KLC4: variants seen among roughly 807,000 people sequenced by gnomAD.
KLC4 encodes kinesin-like protein 8.
In KLC4, 49 loss-of-function variants were observed where a neutral mutation model predicts 77.2. That is an observed-to-expected ratio of 0.63 (90% CI 0.50 to 0.80). The LOEUF is 0.80. KLC4 is among the 30% of genes least tolerant of loss of function. KLC4 has a pLI of 0.00. For missense variants in KLC4, 669 were observed against 793.5 expected, an observed-to-expected ratio of 0.84 and a Z score of 1.89; for synonymous variants, 274 against 314.5, an observed-to-expected ratio of 0.87 and a Z score of 1.36.
At chr6:43,060,061 G>T in intron 1 of KLC4, 2 of 1,518,308 alleles carry the variant, frequency 1.3e-6, no homozygotes, top group Non-Finnish European at 1.8e-6. Flanking sequence ...CCAGGCCCAG[G>T]AGACCCACTC....
chr6:43,065,405 G>A, intron 3 of KLC4: 2 of 499,872 alleles, frequency 4.0e-6, no homozygotes, highest in Admixed American at 3.3e-5. Flanking sequence ...AGAAGGAGGG[G>A]AAGTCTTGAG....
chr6:43,067,999 C>A (rs1765528567), intron 6 of KLC4, among the ~76,000 whole-genome samples: 2 of 101,704 alleles, frequency 2.0e-5, no homozygotes, highest in Admixed American at 1.0e-4. Context: ...GTAGTCCCAG[C>A]TGCTTGGGAG....
Position 43,061,528 on chromosome 6 carries a change from C to T in KLC4, c.193C>T (p.His65Tyr). The change falls in exon 2 of 16, where the codon CAT (histidine) becomes TAT (tyrosine). Residue 65 changes from histidine (H) to tyrosine (Y), a missense_variant. Coordinates refer to ENST00000347162, the MANE Select transcript of KLC4 (RefSeq NM_201521.3). The stretch of plus-strand genomic sequence containing the variant: ...GGGAGGCCATGAGGAAGGGCTGGTG[C>T]ATGAGAAGGCCCGGCAGCTTCGCCG... ...QQGGHEEGLV[H>Y]EKARQLRRSM... The T allele has an allele frequency of 6.2e-7, 1 of 1,614,078 alleles. No homozygotes were observed. The highest frequency in any genetic ancestry group is 1.1e-5 in the South Asian group (1 of 91,076).
intron 2 of KLC4, among the ~76,000 whole-genome samples, chr6:43,061,925 TG>T (rs1765185441): frequency 6.6e-6 from 1 of 152,000 alleles, no homozygotes; most frequent in Admixed American, 6.6e-5. Context: ...CTAGGGACTG[TG>T]GGGAGAGGGT....
rs748246804 is a variant in KLC4 at position 43,061,614 on chromosome 6, C to A, written c.258+21C>A. 2.5e-6 allele frequency: 4 copies of A among 1,597,908 alleles called. No individual in the cohort carries two copies. The East Asian group carries it at 9.0e-5, about 36-fold the overall frequency. ...CCCAGGTGAGAGGGCAAAGGTGGTG[C>A]CAAGTGGTCCAGGGTGGATGGAGGA... On this transcript the variant is annotated intron_variant, in intron 2 of 15. Transcript: ENST00000347162.
intron 13 of KLC4, 27 bp from the exon 14 acceptor site, chr6:43,073,196 C>T (rs777069185): frequency 6.3e-7 from 1 of 1,582,184 alleles, no homozygotes; most frequent in Non-Finnish European, 8.7e-7. Context: ...ATCCTTGTAG[C>T]TTTCATTGCT....
intron 3 of KLC4, 64 bp downstream of exon 3, chr6:43,063,211 G>A: frequency 7.9e-7 from 1 of 1,264,166 alleles, no homozygotes. Context: ...AGACATGGGG[G>A]CAATTGCCCC....
chr6:43,066,262 A>G, intron 4 of KLC4, 44 bp from the exon 5 acceptor site: 2 of 1,528,796 alleles, frequency 1.3e-6, no homozygotes, highest in Non-Finnish European at 1.8e-6. Flanking sequence ...CAGACAGCAA[A>G]GGGGAGAGGA....
At chr6:43,074,541 C>A in intron 15 of KLC4, 81 bp from the exon 16 acceptor site, 1 of 1,159,592 alleles carries the variant, frequency 8.6e-7, no homozygotes, top group Non-Finnish European at 1.3e-6. Flanking sequence ...TACACTGTGA[C>A]CATGGGATGG....
intron 7 of KLC4, 33 bp downstream of exon 7, chr6:43,070,488 C>G (rs201689911): frequency 1.3e-6 from 2 of 1,544,016 alleles, no homozygotes; most frequent in East Asian, 2.2e-5. Context: ...CTTCTCTTGT[C>G]GCTGTGACCC....
chr6:43,073,876 C>T, intron 14 of KLC4, 26 bp from the exon 15 acceptor site: 1 of 1,613,224 alleles, frequency 6.2e-7, no homozygotes, highest in Non-Finnish European at 8.5e-7. Flanking sequence ...GAGAGGAGGC[C>T]TCAATTCTTC....
At chr6:43,066,875 G>T (rs533722191) in intron 5 of KLC4, 121 bp from the exon 6 acceptor site, 6 of 1,435,176 alleles carry the variant, frequency 4.2e-6, no homozygotes, top group South Asian at 2.8e-5. Context: ...TCCACGCCAG[G>T]CTTCCTGTCT....
intron 5 of KLC4, 146 bp from the exon 6 acceptor site, chr6:43,066,849 TG>T (rs1378038140): frequency 8.4e-7 from 1 of 1,187,000 alleles, no homozygotes; most frequent in Non-Finnish European, 1.2e-6. Flanking sequence ...AGTATGTCAG[TG>T]AAGCCCCCTT....
rs966767431 is a variant in KLC4 at position 43,070,436 on chromosome 6, C to T, written c.962C>T (p.Ala321Val). 3.7e-6 allele frequency: 6 copies of T among 1,613,584 alleles called. No homozygotes were observed. Among genetic ancestry groups the T allele is most frequent in the Non-Finnish European group, 5.1e-6 (6 of 1,179,596 alleles). Reference sequence around the variant, plus strand: ...GAGGCAGAGCCTCTGTGCCAGCGGGCACTGGAGATTCGAGAAAAGGTACCC... The same window carrying T: ...GAGGCAGAGCCTCTGTGCCAGCGGGTACTGGAGATTCGAGAAAAGGTACCC... The part of the protein sequence containing the change: ...YKEAEPLCQR[A>V]LEIREKVLGT... Residue 321 changes from alanine (A) to valine (V), a missense_variant, in exon 7 of 16, where the codon GCA becomes GTA. Transcript: ENST00000347162.
chr6:43,067,579 G>C (rs1004083502), intron 6 of KLC4, among the ~76,000 whole-genome samples: 3 of 152,018 alleles, frequency 2.0e-5, no homozygotes, highest in African/African-American at 7.3e-5. Flanking sequence ...TGGATCACGA[G>C]GTCAGGAGAT....
intron 5 of KLC4, 110 bp from the exon 6 acceptor site, chr6:43,066,886 C>T (rs1765459901): frequency 6.7e-7 from 1 of 1,490,502 alleles, no homozygotes; most frequent in Non-Finnish European, 9.1e-7. Flanking sequence ...CTTCCTGTCT[C>T]CTCATGGAGG....
intron 3 of KLC4, 34 bp from the exon 4 acceptor site, chr6:43,065,586 T>G (rs369706749): frequency 1.2e-5 from 18 of 1,476,622 alleles, no homozygotes; most frequent in Non-Finnish European, 1.7e-5. Context: ...GGTAGGGATA[T>G]CTTGGCCCTT....
At chr6:43,071,966 A>T in intron 11 of KLC4, 44 bp downstream of exon 11, 1 of 1,566,076 alleles carries the variant, frequency 6.4e-7, no homozygotes, top group Non-Finnish European at 8.7e-7. Flanking sequence ...GATGCCCTCC[A>T]TCCAGTCCCT....
chr6:43,062,256 C>T (rs1765200840), intron 2 of KLC4, among the ~76,000 whole-genome samples: 1 of 152,216 alleles, frequency 6.6e-6, no homozygotes, highest in Admixed American at 6.5e-5. Flanking sequence ...TGATTTTGCC[C>T]TTTCTTTGAG....
Sources: gnomAD v4.1 joint callset for allele counts (sites outside exome capture counted in the v4.1 genomes callset) on GRCh38, gnomAD v4.1.1 for gene constraint, MANE v1.5 for transcripts, NCBI Gene and HGNC (gene_info 2026-07-23, HGNC 2026-07-21) for gene names.